The following KCNK5 variants were observed in gnomAD, a reference collection of about 807,000 sequenced individuals.
KCNK5 encodes the protein potassium two pore domain channel subfamily K member 5.
Under a neutral mutation model 32.9 loss-of-function variants are expected in KCNK5, and 18 were observed. The ratio of observed to expected loss-of-function variants is 0.55; its 90% CI spans 0.38 to 0.81. KCNK5 has a LOEUF of 0.81. Ranked by LOEUF, KCNK5 falls within the 30% of genes least tolerant of loss-of-function variation. The probability of loss-of-function intolerance (pLI) is 0.00; values close to 1 mark genes in which losing one functional copy is unlikely to be tolerated. For synonymous variants in KCNK5, 276 were observed against 275.3 expected, an observed-to-expected ratio of 1.00 and a Z score of -0.03; for missense variants, 507 against 651.0, an observed-to-expected ratio of 0.78 and a Z score of 2.41.
At chr6:39,195,760 T>C in intron 2 of KCNK5, 116 bp downstream of exon 2, 2 of 646,790 alleles carry the variant, frequency 3.1e-6, no homozygotes, top group Non-Finnish European at 5.4e-6. Flanking sequence ...AAGAATAGCC[T>C]GCAACTGATC....
At position 39,221,234 on chromosome 6, in the gene KCNK5, T is replaced by C. The variant is rs548258011; in HGVS notation, c.186+7692A>G. ...TGGCTGCCATGATTCAGTGAGATGA[T>C]GCACATCAGTGGCTCCCACAGCCTG... On this transcript the variant is annotated intron_variant, in intron 1 of 4. Transcript: ENST00000359534. Among the ~76,000 whole-genome samples, 429 of 152,318 alleles carry C rather than the reference T, an allele frequency of 2.8e-3. 3 individuals are homozygous for C. Among genetic ancestry groups the C allele is most frequent in the African/African-American group, 9.7e-3 (404 of 41,574 alleles).
chr6:39,219,924 G>A (rs114068530), intron 1 of KCNK5, among the ~76,000 whole-genome samples: 6,682 of 152,326 alleles, frequency 0.044, 210 homozygotes, highest in Non-Finnish European at 0.074. Context: ...ATGAATGGAC[G>A]AGTCCAGAGA....
At chr6:39,222,604 C>T (rs533359546) in intron 1 of KCNK5, among the ~76,000 whole-genome samples, 10 of 152,334 alleles carry the variant, frequency 6.6e-5, no homozygotes, top group African/African-American at 1.9e-4. Context: ...TGGGTCCATC[C>T]TGCAGAACAC....
intron 4 of KCNK5, among the ~76,000 whole-genome samples, chr6:39,192,283 CAAAAA>C (rs1226626372): frequency 7.0e-3 from 327 of 46,688 alleles, no homozygotes; most frequent in Admixed American, 0.027. Context: ...GACTCCGTCT[CAAAAA>C]AAAAAAAAAA....
chr6:39,201,836 A>C (rs1375078248), intron 1 of KCNK5, among the ~76,000 whole-genome samples: 1 of 152,222 alleles, frequency 6.6e-6, no homozygotes, highest in Non-Finnish European at 1.5e-5. Context: ...AGTACCCTCT[A>C]AAGTTTACTG....
chr6:39,223,903 G>T (rs2113799443), intron 1 of KCNK5, among the ~76,000 whole-genome samples: 1 of 152,210 alleles, frequency 6.6e-6, no homozygotes, highest in East Asian at 1.9e-4. Context: ...CACCTCCTTT[G>T]CATCCCCCAC....
chr6:39,217,165 G>T (rs1354473537), intron 1 of KCNK5, among the ~76,000 whole-genome samples: 1 of 143,092 alleles, frequency 7.0e-6, no homozygotes, highest in Non-Finnish European at 1.5e-5. Context: ...AAAAGAAACT[G>T]GCTATTAGTG....
chr6:39,219,208 TA>T (rs1396942895), intron 1 of KCNK5, among the ~76,000 whole-genome samples: 3 of 151,686 alleles, frequency 2.0e-5, no homozygotes, highest in Non-Finnish European at 4.4e-5. Context: ...GGATGGGGGA[TA>T]GGGGAAGAAG....
At chr6:39,221,084 T>C (rs1487182263) in intron 1 of KCNK5, among the ~76,000 whole-genome samples, 1 of 152,214 alleles carries the variant, frequency 6.6e-6, no homozygotes, top group Non-Finnish European at 1.5e-5. Context: ...GTGTGAGCTC[T>C]GGGTTCAAAA....
Position 39,194,557 on chromosome 6 carries a change from C to T in KCNK5, c.465+37G>A, listed in dbSNP as rs768660364. On this transcript the variant is annotated intron_variant, in intron 3 of 4. Transcript: ENST00000359534. The surrounding 1 kb of genome is among the most constrained non-coding windows in gnomAD (Gnocchi z 4.7). ...GTCCTCCCCTCACCTGTCATGGTTCCCCCATCTCTGCCCAACACCCAGGGT... is the reference window on the plus strand; with the variant it reads ...GTCCTCCCCTCACCTGTCATGGTTCTCCCATCTCTGCCCAACACCCAGGGT... 2.5e-6 allele frequency: 4 copies of T among 1,608,982 alleles called. No individual in the cohort carries two copies. Among genetic ancestry groups the T allele is most frequent in the Non-Finnish European group, 3.4e-6 (4 of 1,176,236 alleles).
chr6:39,201,955 C>A (rs1393125818), intron 1 of KCNK5, among the ~76,000 whole-genome samples: 2 of 152,182 alleles, frequency 1.3e-5, no homozygotes, highest in African/African-American at 4.8e-5. Flanking sequence ...CTTCTAACCT[C>A]TGCACTATCT....
rs1770879508 is a variant in KCNK5, at chr6:39,189,384, A to T, written c.*1506T>A. ...TCCCCTTCTCCACCTCTGCTTGGGG[A>T]CATGGCCCTTGACATCATGGCCTTG... On this transcript the variant is annotated 3_prime_UTR_variant, in exon 5 of 5. Transcript: ENST00000359534. 6.6e-6 allele frequency: 1 copy of T among 152,482 alleles called. No individual in the cohort carries two copies. The highest frequency in any genetic ancestry group is 1.5e-5 in the Non-Finnish European group (1 of 68,018). 9.4% of individuals were successfully genotyped at this position (152,482 alleles called of 1,614,324 possible). A position where few individuals can be genotyped will look rare whatever the true frequency, so the allele number is the denominator to read the frequency against.
At chr6:39,212,904 G>A (rs1198626998) in intron 1 of KCNK5, among the ~76,000 whole-genome samples, 1 of 152,176 alleles carries the variant, frequency 6.6e-6, no homozygotes, top group African/African-American at 2.4e-5. Context: ...AGACTCAAAA[G>A]ACAAGAACGA....
rs1195589437 is a variant in KCNK5, at chr6:39,189,389, G to A, written c.*1501C>T. 3 of 152,474 alleles carry A rather than the reference G, an allele frequency of 2.0e-5. No individual in the cohort carries two copies. The highest frequency in any genetic ancestry group is 4.4e-5 in the Non-Finnish European group (3 of 68,024). The allele number at this position is 152,474 out of a possible 1,614,324, so 9.4% of individuals were successfully genotyped here. A position where few individuals can be genotyped will look rare whatever the true frequency, so the allele number is the denominator to read the frequency against. ...TTCTCCACCTCTGCTTGGGGACATG[G>A]CCCTTGACATCATGGCCTTGGATGA... On this transcript the variant is annotated 3_prime_UTR_variant, in exon 5 of 5. Coordinates refer to ENST00000359534, the MANE Select transcript of KCNK5 (RefSeq NM_003740.4).
intron 1 of KCNK5, among the ~76,000 whole-genome samples, chr6:39,220,620 G>T (rs1583721092): frequency 6.6e-6 from 1 of 152,192 alleles, no homozygotes; most frequent in East Asian, 1.9e-4. Flanking sequence ...AACTGTTTTA[G>T]GTGGTTAATT....
Position 39,209,982 on chromosome 6 carries a change from G to A in KCNK5, c.187-13995C>T, listed in dbSNP as rs575027041. Reference sequence around the variant, plus strand: ...GCATAGGCAAGTTAGAGATGCTCCCGATGCATGAACTTGTTTACAAACGTC... The same window carrying A: ...GCATAGGCAAGTTAGAGATGCTCCCAATGCATGAACTTGTTTACAAACGTC... On this transcript the variant is annotated intron_variant, in intron 1 of 4. Transcript: ENST00000359534. Among the ~76,000 whole-genome samples, 232 of 152,316 alleles carry A rather than the reference G, an allele frequency of 1.5e-3. 2 individuals are homozygous for A. The highest frequency in any genetic ancestry group is 5.3e-3 in the African/African-American group (219 of 41,566).
At chr6:39,203,948 G>C (rs1771175778) in intron 1 of KCNK5, among the ~76,000 whole-genome samples, 1 of 152,228 alleles carries the variant, frequency 6.6e-6, no homozygotes, top group African/African-American at 2.4e-5. Flanking sequence ...CAGGTGACCA[G>C]GGTGTGGCTC....
At chr6:39,192,403 G>C (rs1294863335) in intron 4 of KCNK5, among the ~76,000 whole-genome samples, 1 of 150,658 alleles carries the variant, frequency 6.6e-6, no homozygotes, top group East Asian at 2.0e-4. Flanking sequence ...ATGAGTATTT[G>C]CCTTTCTGTT....
intron 1 of KCNK5, among the ~76,000 whole-genome samples, chr6:39,204,545 G>A (rs1023831709): frequency 6.6e-6 from 1 of 152,224 alleles, no homozygotes; most frequent in Admixed American, 6.5e-5. Context: ...GAGATCATCT[G>A]AGAGAGCTTG....
Sources: allele counts gnomAD v4.1 joint callset (sites outside exome capture counted in the v4.1 genomes callset), GRCh38; gene constraint gnomAD v4.1.1; non-coding constraint Gnocchi (gnomAD v3.1); transcripts MANE v1.5; gene names NCBI Gene and HGNC (gene_info 2026-07-23, HGNC 2026-07-21).